HS6ST3: variants seen among roughly 807,000 people sequenced by gnomAD.
HS6ST3 encodes the protein heparan-sulfate 6-O-sulfotransferase 3.
Under a neutral mutation model 36.7 loss-of-function variants are expected in HS6ST3, and 12 were observed. The observed-to-expected ratio is 0.33, with a 90% CI of 0.21 to 0.53. The LOEUF (loss-of-function observed/expected upper bound fraction) is 0.53. Among genes scored for constraint, HS6ST3 ranks in the 20% least tolerant of loss-of-function variants. The pLI is 0.95. For synonymous variants in HS6ST3, 240 were observed against 257.5 expected, an observed-to-expected ratio of 0.93 and a Z score of 0.65; for missense variants, 584 against 640.9, an observed-to-expected ratio of 0.91 and a Z score of 0.96.
intron 1 of HS6ST3, among the ~76,000 whole-genome samples, chr13:96,310,473 GA>G (rs201831013): frequency 6.6e-6 from 1 of 151,622 alleles, no homozygotes; most frequent in African/African-American, 2.4e-5. Flanking sequence ...AAATGGGCTG[GA>G]AAAAAAACAA....
chr13:96,372,247 AT>A (rs533016844), intron 1 of HS6ST3, among the ~76,000 whole-genome samples: 16 of 152,168 alleles, frequency 1.1e-4, no homozygotes, highest in Admixed American at 2.6e-4. Flanking sequence ...GATGTTGACC[AT>A]TTTTTGCATA....
chr13:96,514,901 T>C (rs1373652940), intron 1 of HS6ST3, among the ~76,000 whole-genome samples: 4 of 152,192 alleles, frequency 2.6e-5, no homozygotes, highest in Non-Finnish European at 5.9e-5. Context: ...TAGCAAGCAG[T>C]TCAGGGAATA....
intron 1 of HS6ST3, among the ~76,000 whole-genome samples, chr13:96,587,149 G>C (rs1304518680): frequency 6.6e-6 from 1 of 152,052 alleles, no homozygotes; most frequent in Non-Finnish European, 1.5e-5. Context: ...CCATTGGTCT[G>C]TGTCTGTTTT....
chr13:96,669,537 C>T (rs2138430198), intron 1 of HS6ST3, among the ~76,000 whole-genome samples: 1 of 152,268 alleles, frequency 6.6e-6, no homozygotes, highest in East Asian at 1.9e-4. Context: ...TCAACAATGG[C>T]TTAAACTCAT....
chr13:96,284,454 A>G (rs1052588748), intron 1 of HS6ST3, among the ~76,000 whole-genome samples: 1 of 152,208 alleles, frequency 6.6e-6, no homozygotes, highest in African/African-American at 2.4e-5. Flanking sequence ...GGAAGCATCC[A>G]GCATGGGAGA....
At chr13:96,563,079 G>A (rs1469021993) in intron 1 of HS6ST3, among the ~76,000 whole-genome samples, 1 of 149,146 alleles carries the variant, frequency 6.7e-6, no homozygotes, top group African/African-American at 2.5e-5. Flanking sequence ...TGGAAAGCCA[G>A]TTAGCAATTC....
intron 1 of HS6ST3, among the ~76,000 whole-genome samples, chr13:96,559,303 G>C (rs1447675111): frequency 1.3e-5 from 2 of 152,040 alleles, no homozygotes; most frequent in African/African-American, 4.8e-5. Context: ...ATTTTTAATA[G>C]AGATGAGGTT....
At chr13:96,729,175 T>C (rs914131881) in intron 1 of HS6ST3, among the ~76,000 whole-genome samples, 3 of 151,344 alleles carry the variant, frequency 2.0e-5, no homozygotes, top group African/African-American at 7.3e-5. Context: ...GGGGTGGGAG[T>C]GTGGGGAAGG....
intron 1 of HS6ST3, among the ~76,000 whole-genome samples, chr13:96,466,588 A>G (rs1227295470): frequency 1.3e-5 from 2 of 152,152 alleles, no homozygotes; most frequent in East Asian, 3.9e-4. Context: ...TCATTCATGT[A>G]GTCACAAATG....
At chr13:96,223,044 G>A (rs1264944700) in intron 1 of HS6ST3, among the ~76,000 whole-genome samples, 1 of 152,218 alleles carries the variant, frequency 6.6e-6, no homozygotes, top group Non-Finnish European at 1.5e-5. Context: ...TGCATAATAT[G>A]CCTTAGTATG....
intron 1 of HS6ST3, among the ~76,000 whole-genome samples, chr13:96,421,660 G>T (rs903135556): frequency 1.3e-5 from 2 of 150,598 alleles, no homozygotes; most frequent in Admixed American, 6.6e-5. Flanking sequence ...CATCTCTGAG[G>T]TTCTTTCTTA....
chr13:96,690,702 A>G (rs1393120775), intron 1 of HS6ST3, among the ~76,000 whole-genome samples: 1 of 152,130 alleles, frequency 6.6e-6, no homozygotes, highest in Non-Finnish European at 1.5e-5. Flanking sequence ...GCCTCTGTGC[A>G]GCAATCATTA....
At chr13:96,122,770 G>A (rs1323293840) in intron 1 of HS6ST3, among the ~76,000 whole-genome samples, 1 of 152,242 alleles carries the variant, frequency 6.6e-6, no homozygotes, top group South Asian at 2.1e-4. Context: ...TGGTTATGAG[G>A]ATGAGAATGA....
At chr13:96,286,143 A>T (rs1258966677) in intron 1 of HS6ST3, among the ~76,000 whole-genome samples, 1 of 151,820 alleles carries the variant, frequency 6.6e-6, no homozygotes, top group Non-Finnish European at 1.5e-5. Flanking sequence ...CAGGTTGGCA[A>T]CCTGAAGCTT....
intron 1 of HS6ST3, among the ~76,000 whole-genome samples, chr13:96,405,430 G>T (rs925848166): frequency 6.6e-5 from 10 of 152,132 alleles, no homozygotes; most frequent in Non-Finnish European, 1.2e-4. Context: ...TGATGGGAAG[G>T]CCTGGAAGGA....
chr13:96,547,080 T>C (rs921560182), intron 1 of HS6ST3, among the ~76,000 whole-genome samples: 1 of 152,206 alleles, frequency 6.6e-6, no homozygotes, highest in African/African-American at 2.4e-5. Context: ...CCATTACCCC[T>C]GGCAACAGTT....
chr13:96,711,809 TG>T (rs1875569063), intron 1 of HS6ST3, among the ~76,000 whole-genome samples: 1 of 152,240 alleles, frequency 6.6e-6, no homozygotes, highest in Non-Finnish European at 1.5e-5. Flanking sequence ...ACTCTCCCTG[TG>T]GGTTATTCTT....
chr13:96,221,515 C>T (rs1042489497), intron 1 of HS6ST3, among the ~76,000 whole-genome samples: 2 of 151,998 alleles, frequency 1.3e-5, no homozygotes, highest in Admixed American at 6.6e-5. Flanking sequence ...TAATTAACTG[C>T]AGTGGGATGG....
At chr13:96,215,270 C>T (rs866843337) in intron 1 of HS6ST3, among the ~76,000 whole-genome samples, 4 of 152,186 alleles carry the variant, frequency 2.6e-5, no homozygotes, top group African/African-American at 9.7e-5. Flanking sequence ...TGTCATGTGC[C>T]TGTGTATGGC....
Sources: allele counts gnomAD v4.1 joint callset (sites outside exome capture counted in the v4.1 genomes callset), GRCh38; gene constraint gnomAD v4.1.1; transcripts MANE v1.5; gene names NCBI Gene and HGNC (gene_info 2026-07-23, HGNC 2026-07-21).